ZNF696: variants seen among roughly 807,000 people sequenced by gnomAD.
ZNF696 encodes zinc finger protein 696.
In ZNF696, 10 loss-of-function variants were observed where a neutral mutation model predicts 12.3. The ratio of observed to expected loss-of-function variants is 0.81; its 90% CI spans 0.50 to 1.38. The LOEUF is 1.38. Ranked by LOEUF, ZNF696 falls within the 40% of genes most tolerant of loss-of-function variation. The probability of loss-of-function intolerance (pLI) is 0.00; values close to 1 mark genes in which losing one functional copy is unlikely to be tolerated. For missense variants in ZNF696, 675 were observed against 554.7 expected (o/e 1.22, Z -2.18); for synonymous variants, 304 against 243.9 (o/e 1.25, Z -2.29).
rs1185396718 is a variant in ZNF696 at position 143,291,766 on chromosome 8, C to A, written c.-32C>A. 2.0e-6 allele frequency: 2 copies of A among 985,338 alleles called. No individual in the cohort carries two copies. The highest frequency in any genetic ancestry group is 2.4e-6 in the Non-Finnish European group (2 of 829,954). The allele number at this position is 985,338 out of a possible 1,614,324, so 61.0% of individuals were successfully genotyped here. Reference sequence around the variant, plus strand: ...GGAGGGCCTGTTCCCTAATTCTTGCCGGTAAGGTACTTGCAAAAATCTGCT... The same window carrying A: ...GGAGGGCCTGTTCCCTAATTCTTGCAGGTAAGGTACTTGCAAAAATCTGCT... On this transcript the variant is annotated splice_region_variant and 5_prime_UTR_variant, in exon 1 of 3. Coordinates refer to ENST00000330143, the MANE Select transcript of ZNF696 (RefSeq NM_030895.3).
Position 143,293,045 on chromosome 8 carries a change from C to G in ZNF696, c.44C>G (p.Thr15Ser), listed in dbSNP as rs1371303327. The G allele has an allele frequency of 6.2e-7, 1 of 1,614,026 alleles. No homozygotes were observed. Among genetic ancestry groups the G allele is most frequent in the African/African-American group, 1.3e-5 (1 of 75,048 alleles). ...CCCACAGGTGCTAAAGAGAGCAGTA[C>G]CCTGATGGAGTCCCTTGCAGGTGAG... ...GEPTGAKESS[T>S]LMESLAAVKA... The change falls in exon 2 of 3, where the codon ACC becomes AGC. Residue 15 changes from threonine (T) to serine (S), a missense_variant. Coordinates refer to ENST00000330143, the MANE Select transcript of ZNF696 (RefSeq NM_030895.3).
At position 143,295,779 on chromosome 8, in the gene ZNF696, G is replaced by A; in HGVS notation, c.104G>A (p.Ser35Asn). ...TTCCTGGCGCAGGCCCCGAGTGGCA[G>A]CCGGTCAGCCGAGGTGCAGGCAGCT... Reference protein sequence around the residue: ...AAFLAQAPSGSRSAEVQAAQS... With the variant: ...AAFLAQAPSGNRSAEVQAAQS... The change falls in exon 3 of 3, where the codon AGC becomes AAC. Residue 35 changes from serine to asparagine, a missense_variant. Coordinates refer to ENST00000330143, the MANE Select transcript of ZNF696 (RefSeq NM_030895.3). The A allele has an allele frequency of 6.2e-7, 1 of 1,604,004 alleles. No individual in the cohort carries two copies. The highest frequency in any genetic ancestry group is 1.1e-5 in the South Asian group (1 of 89,990).
chr8:143,295,732 T>G lies in ZNF696; in HGVS notation c.65-8T>G, dbSNP rs1815696881. On this transcript the variant is annotated splice_region_variant and splice_polypyrimidine_tract_variant and intron_variant, in intron 2 of 2. Coordinates refer to ENST00000330143, the MANE Select transcript of ZNF696 (RefSeq NM_030895.3). The stretch of plus-strand genomic sequence containing the variant: ...TCTAAAATCGTTCCTGTCTGGCCTC[T>G]TTTTCAGCTGTGAAGGCTGCTTTCC... 1.3e-6 allele frequency: 2 copies of G among 1,571,784 alleles called. No homozygotes were observed. Among genetic ancestry groups the G allele is most frequent in the African/African-American group, 2.7e-5 (2 of 73,438 alleles).
rs1371700038 is a variant in ZNF696 at position 143,293,009 on chromosome 8, C to T, written c.8C>T (p.Pro3Leu). The T allele has an allele frequency of 6.2e-7, 1 of 1,613,920 alleles. No individual in the cohort carries two copies. The change falls in exon 2 of 3, where the codon CCA (proline) becomes CTA (leucine). Residue 3 changes from proline to leucine, a missense_variant. Transcript: ENST00000330143. Reference protein sequence around the residue: MEPGGEPTGAKES... With the variant: MELGGEPTGAKES... ...CTGCTGGTGTTCTGCAAGATGGAGC[C>T]AGGAGGAGAGCCCACAGGTGCTAAA... is the stretch of plus-strand genomic sequence containing the variant.
At position 143,298,534 on chromosome 8, in the gene ZNF696, G is replaced by A. The variant is rs1815755501; in HGVS notation, c.*1734G>A. On this transcript the variant is annotated 3_prime_UTR_variant, in exon 3 of 3. Transcript: ENST00000330143. ...TTCCTGCTCGTAAGTCAGGCATTCA[G>A]CTTGCAAAGATCCCCAAGCACACAA... 6.6e-6 allele frequency among the ~76,000 whole-genome samples: 1 copy of A among 152,152 alleles called. No homozygotes were observed. The highest frequency in any genetic ancestry group is 2.1e-4 in the South Asian group (1 of 4,822).
At chr8:143,295,649 C>T in intron 2 of ZNF696, 91 bp from the exon 3 acceptor site, 1 of 1,333,258 alleles carries the variant, frequency 7.5e-7, no homozygotes, top group South Asian at 1.5e-5. Flanking sequence ...GTCACCATCA[C>T]TGTCACTCTG....
chr8:143,295,701 C>T lies in ZNF696; in HGVS notation c.65-39C>T, dbSNP rs1411642873. On this transcript the variant is annotated intron_variant, in intron 2 of 2. Coordinates refer to ENST00000330143, the MANE Select transcript of ZNF696 (RefSeq NM_030895.3). ...CAGAGCCACCCTCGACTCACGTTCT[C>T]TTACATCTAAAATCGTTCCTGTCTG... The T allele has an allele frequency of 2.7e-6, 4 of 1,508,954 alleles. No individual in the cohort carries two copies. The South Asian group carries it at 5.2e-5, about 20-fold the overall frequency. The allele number at this position is 1,508,954 out of a possible 1,614,324, so 93.5% of individuals were successfully genotyped here.
chr8:143,291,727 C>G lies in ZNF696; in HGVS notation c.-71C>G. 3 of 985,490 alleles carry G rather than the reference C, an allele frequency of 3.0e-6. No individual in the cohort carries two copies. Among genetic ancestry groups the G allele is most frequent in the Non-Finnish European group, 3.6e-6 (3 of 829,942 alleles). 61.0% of individuals were successfully genotyped at this position (985,490 alleles called of 1,614,324 possible). On this transcript the variant is annotated 5_prime_UTR_variant, in exon 1 of 3. Coordinates refer to ENST00000330143, the MANE Select transcript of ZNF696 (RefSeq NM_030895.3). ...ACCGGCCCAGCTCATCGAGCTTCTT[C>G]CCAGCTGTGAACAGGAGGGCCTGTT...
At position 143,299,878 on chromosome 8, in the gene ZNF696, G is replaced by A. The variant is rs1815773841; in HGVS notation, c.*3078G>A. Among the ~76,000 whole-genome samples the A allele has an allele frequency of 6.6e-6, 1 of 152,206 alleles. No individual in the cohort carries two copies. The highest frequency in any genetic ancestry group is 1.5e-5 in the Non-Finnish European group (1 of 68,042). ...GTGGGAGGATCACCTGAGCCTGGGAGCTCGAGACTGCAGTGAGCTGTAGTC... is the reference window on the plus strand; with the variant it reads ...GTGGGAGGATCACCTGAGCCTGGGAACTCGAGACTGCAGTGAGCTGTAGTC... On this transcript the variant is annotated 3_prime_UTR_variant, in exon 3 of 3. Coordinates refer to ENST00000330143, the MANE Select transcript of ZNF696 (RefSeq NM_030895.3).
In ZNF696 at chr8:143,291,786, TCTG is replaced by T. The variant is rs1039168262; in HGVS notation, c.-31+22_-31+24del. 1 of 985,286 alleles carries T rather than the reference TCTG, an allele frequency of 1.0e-6. No individual in the cohort carries two copies. Among genetic ancestry groups the T allele is most frequent in the African/African-American group, 1.7e-5 (1 of 57,228 alleles). 61.0% of individuals were successfully genotyped at this position (985,286 alleles called of 1,614,324 possible). On this transcript the variant is annotated intron_variant, in intron 1 of 2. Coordinates refer to ENST00000330143, the MANE Select transcript of ZNF696 (RefSeq NM_030895.3). ...CTTGCCGGTAAGGTACTTGCAAAAATCTGCTTCCAGACTAAAAAATTGCACTTT... is the reference window on the plus strand; with the variant it reads ...CTTGCCGGTAAGGTACTTGCAAAAATCTTCCAGACTAAAAAATTGCACTTT...
At position 143,298,511 on chromosome 8, in the gene ZNF696, C is replaced by T. The variant is rs1012647378; in HGVS notation, c.*1711C>T. Among the ~76,000 whole-genome samples, 1 of 152,156 alleles carries T rather than the reference C, an allele frequency of 6.6e-6. No individual in the cohort carries two copies. The highest frequency in any genetic ancestry group is 2.4e-5 in the African/African-American group (1 of 41,418). ...GAAGCTTACCTGGCTTAGCCTCATT[C>T]CTGCTCGTAAGTCAGGCATTCAGCT... is the stretch of plus-strand genomic sequence containing the variant. On this transcript the variant is annotated 3_prime_UTR_variant, in exon 3 of 3. Coordinates refer to ENST00000330143, the MANE Select transcript of ZNF696 (RefSeq NM_030895.3).
intron 1 of ZNF696, 98 bp from the exon 2 acceptor site, chr8:143,292,874 T>G: frequency 9.6e-7 from 1 of 1,046,680 alleles, no homozygotes; most frequent in Non-Finnish European, 1.4e-6. Context: ...CAGGGCCTGT[T>G]CTGACAGTTT....
rs1185498083 is a variant in ZNF696 at position 143,295,944 on chromosome 8, C to A, written c.269C>A (p.Pro90Gln). 1.3e-6 allele frequency: 2 copies of A among 1,565,530 alleles called. No homozygotes were observed. Among genetic ancestry groups the A allele is most frequent in the Non-Finnish European group, 8.7e-7 (1 of 1,155,040 alleles). ...AGGCCCGGAGGTTCCCCTCGAGGCC[C>A]GGTCACTTCTGAGAAAACTGGAGGA... Reference protein sequence around the residue: ...RERPGGSPRGPVTSEKTGGQS... With the variant: ...RERPGGSPRGQVTSEKTGGQS... Residue 90 changes from proline (P) to glutamine (Q), a missense_variant, in exon 3 of 3, where the codon CCG (proline) becomes CAG (glutamine). Transcript: ENST00000330143.
rs1815700935 is a variant in ZNF696 at position 143,295,907 on chromosome 8, G to C, written c.232G>C (p.Glu78Gln). ...LGSLGLCENQ[E>Q]ARERPGGSPR... ...GTCTCTTGGCCTTTGTGAAAACCAGGAAGCCAGAGAGAGGCCCGGAGGTTC... is the reference window on the plus strand; with the variant it reads ...GTCTCTTGGCCTTTGTGAAAACCAGCAAGCCAGAGAGAGGCCCGGAGGTTC... The change falls in exon 3 of 3, where the codon GAA (glutamate) becomes CAA (glutamine). Residue 78 changes from glutamate to glutamine, a missense_variant. Glu to Gln is a conservative substitution (Grantham distance 29, BLOSUM62 2). Transcript: ENST00000330143. 1 of 1,563,010 alleles carries C rather than the reference G, an allele frequency of 6.4e-7. No homozygotes were observed. The highest frequency in any genetic ancestry group is 2.4e-5 in the East Asian group (1 of 42,116).
At position 143,296,724 on chromosome 8, in the gene ZNF696, G is replaced by A. The variant is rs759267562; in HGVS notation, c.1049G>A (p.Arg350His). Residue 350 changes from arginine to histidine, a missense_variant, in exon 3 of 3, where the codon CGC (arginine) becomes CAC (histidine). By Grantham distance (29) the Arg-to-His change is conservative. Transcript: ENST00000330143. Reference sequence around the variant, plus strand: ...CTCCACACGGGCGAGAAGCCGTTCCGCTGCACCGAGTGCGGCCGCGCCTTC... The same window carrying A: ...CTCCACACGGGCGAGAAGCCGTTCCACTGCACCGAGTGCGGCCGCGCCTTC... The part of the protein sequence containing the change: ...QRLHTGEKPF[R>H]CTECGRAFRL... 2.0e-5 allele frequency: 31 copies of A among 1,535,318 alleles called. No homozygotes were observed. The highest frequency in any genetic ancestry group is 2.6e-5 in the Non-Finnish European group (30 of 1,150,970).
intron 2 of ZNF696, chr8:143,293,313 T>G: frequency 1.7e-6 from 1 of 574,630 alleles, no homozygotes; most frequent in Non-Finnish European, 3.1e-6. Flanking sequence ...TCTGGGAAGG[T>G]CTCTCTCTCA....
rs1008021967 is a variant in ZNF696, at chr8:143,297,053, C to A, written c.*253C>A. The stretch of plus-strand genomic sequence containing the variant: ...GCGGGGAGGTCTCAGGGGTCTGTCC[C>A]GGGCCGGCCGCCCGCCTCTGAGACT... On this transcript the variant is annotated 3_prime_UTR_variant, in exon 3 of 3. Coordinates refer to ENST00000330143, the MANE Select transcript of ZNF696 (RefSeq NM_030895.3). 5.2e-6 allele frequency: 2 copies of A among 388,048 alleles called. No individual in the cohort carries two copies. The highest frequency in any genetic ancestry group is 8.1e-5 in the East Asian group (2 of 24,820). 24.0% of individuals were successfully genotyped at this position (388,048 alleles called of 1,614,324 possible).
chr8:143,296,007 G>GC lies in ZNF696; in HGVS notation c.336dup (p.Gly113ArgfsTer387). On this transcript the variant is annotated frameshift_variant, in exon 3 of 3. Transcript: ENST00000330143. LOFTEE classifies it low-confidence loss of function (END_TRUNC). ...GAGTCAGACGTCCCTCCGAACGCAG[G>GC]CCCCGGCGCAGAGGGCGGGGGCAGC... The GC allele has an allele frequency of 6.3e-7, 1 of 1,595,214 alleles. No homozygotes were observed. The highest frequency in any genetic ancestry group is 1.1e-5 in the South Asian group (1 of 89,048).
In ZNF696 at chr8:143,291,670, T is replaced by A. The variant is rs1220013706; in HGVS notation, c.-128T>A. The A allele has an allele frequency of 1.0e-6, 1 of 985,328 alleles. No individual in the cohort carries two copies. Among genetic ancestry groups the A allele is most frequent in the African/African-American group, 1.7e-5 (1 of 57,254 alleles). The allele number at this position is 985,328 out of a possible 1,614,324, so 61.0% of individuals were successfully genotyped here. ...CTGCGAGCTGAGTCCCCGCTGCGCG[T>A]CTTCAGGCCTTTGTAAGTTGTCAAA... is the stretch of plus-strand genomic sequence containing the variant. On this transcript the variant is annotated 5_prime_UTR_variant, in exon 1 of 3. Coordinates refer to ENST00000330143, the MANE Select transcript of ZNF696 (RefSeq NM_030895.3).
Sources: allele counts gnomAD v4.1 joint callset (sites outside exome capture counted in the v4.1 genomes callset), GRCh38; gene constraint gnomAD v4.1.1; transcripts MANE v1.5; gene names NCBI Gene and HGNC (gene_info 2026-07-23, HGNC 2026-07-21).